EPPK1: variants seen among roughly 807,000 people sequenced by gnomAD.
EPPK1 encodes the protein epiplakin 1.
For missense variants in EPPK1, 3,823 were observed against 3,673.3 expected (o/e 1.04, Z -1.05); for synonymous variants, 1,862 against 1,721.2 (o/e 1.08, Z -2.03).
rs1554659955 is a variant in EPPK1, at chr8:143,868,485, G to T, written c.4769C>A (p.Ala1590Asp). 1 of 1,611,634 alleles carries T rather than the reference G, an allele frequency of 6.2e-7. No homozygotes were observed. The highest frequency in any genetic ancestry group is 8.5e-7 in the Non-Finnish European group (1 of 1,179,542). ...AGGCCGCAGGATGTGCCTCCTCAGG[G>T]CCTCTGGGATGCTCATCCTCTCCTG... Reference protein sequence around the residue: ...GTQERMSIPEALRRHILRPGT... With the variant: ...GTQERMSIPEDLRRHILRPGT... Residue 1590 changes from alanine to aspartate, a missense_variant, in exon 2 of 2, where the codon GCC becomes GAC. Coordinates refer to ENST00000615648, the MANE Select transcript of EPPK1 (RefSeq NM_031308.4).
Position 143,865,427 on chromosome 8 carries a change from C to G in EPPK1, c.7827G>C (p.Gly2609=), listed in dbSNP as rs1405847147. The stretch of plus-strand genomic sequence containing the variant: ...CCCCCTGGCCCTCTCGCTGGGAGCG[C>G]CCCGAGTCGCCGTCCCCTCGCCCGG... ...GPAGRGDGDS[G]RSQREGQGEG... Residue 2609 remains glycine, a synonymous_variant, in exon 2 of 2, where the codon GGG becomes GGC. Transcript: ENST00000615648. 3 of 253,606 alleles carry G rather than the reference C, an allele frequency of 1.2e-5. No homozygotes were observed. The highest frequency in any genetic ancestry group is 1.4e-4 in the African/African-American group (2 of 14,364). 15.7% of individuals were successfully genotyped at this position (253,606 alleles called of 1,614,324 possible). A position where few individuals can be genotyped will look rare whatever the true frequency, so the allele number is the denominator to read the frequency against.
chr8:143,866,673 TC>T lies in EPPK1; in HGVS notation c.6580del (p.Glu2194ArgfsTer50), dbSNP rs1341299982. 1.9e-6 allele frequency: 3 copies of T among 1,613,234 alleles called. No homozygotes were observed. In the South Asian group the frequency reaches 3.3e-5, roughly 18 times the overall value. On this transcript the variant is annotated frameshift_variant, in exon 2 of 2. Coordinates refer to ENST00000615648, the MANE Select transcript of EPPK1 (RefSeq NM_031308.4). LOFTEE classifies it low-confidence loss of function (END_TRUNC). ...SELLSSAIIT[E>X]EMLQDLETGR... The stretch of plus-strand genomic sequence containing the variant: ...CGTTTCCAGGTCCTGGAGCATTTCC[TC>T]CGTGATTATGGCTGAGCTGAGGAGT...
chr8:143,869,808 C>T lies in EPPK1; in HGVS notation c.3446G>A (p.Ser1149Asn), dbSNP rs781937838. The stretch of plus-strand genomic sequence containing the variant: ...TTGCTCCTCGGTGAAGTGGCAGGAG[C>T]TGAGCAGGTCCCAGAGGGATGTGCC... ...KDGTSLWDLLSSCHFTEEQRR... is the reference protein window; with the variant it reads ...KDGTSLWDLLNSCHFTEEQRR... The change falls in exon 2 of 2, where the codon AGC (serine) becomes AAC (asparagine). Residue 1149 changes from serine (S) to asparagine (N), a missense_variant. Transcript: ENST00000615648. 1 of 1,599,526 alleles carries T rather than the reference C, an allele frequency of 6.3e-7. No individual in the cohort carries two copies. The highest frequency in any genetic ancestry group is 1.3e-5 in the African/African-American group (1 of 74,716).
chr8:143,868,030 G>A lies in EPPK1; in HGVS notation c.5224C>T (p.Leu1742Phe). 6.2e-7 allele frequency: 1 copy of A among 1,613,682 alleles called. No individual in the cohort carries two copies. The highest frequency in any genetic ancestry group is 8.5e-7 in the Non-Finnish European group (1 of 1,180,028). Residue 1742 changes from leucine to phenylalanine, a missense_variant, in exon 2 of 2, where the codon CTT (leucine) becomes TTT (phenylalanine). By Grantham distance (22) the Leu-to-Phe change is conservative. Coordinates refer to ENST00000615648, the MANE Select transcript of EPPK1 (RefSeq NM_031308.4). ...GGGTCCTCCACACAGCGCTCCAGAA[G>A]CTGCAGGTACGTGAGGTTCTCGTGC... is the stretch of plus-strand genomic sequence containing the variant. ...NTHENLTYLQLLERCVEDPET... is the reference protein window; with the variant it reads ...NTHENLTYLQFLERCVEDPET...
At position 143,870,523 on chromosome 8, in the gene EPPK1, T is replaced by C. The variant is rs750420105; in HGVS notation, c.2731A>G (p.Ile911Val). ...QLLDQVLAGT[I>V]SPEALLLMDG... ...ATGAGTAGGAGGGCCTCCGGGCTGA[T>C]TGTCCCGGCCAGCACTTGGTCCAAC... Residue 911 changes from isoleucine to valine, a missense_variant, in exon 2 of 2, where the codon ATC becomes GTC. By Grantham distance (29) the Ile-to-Val change is conservative. Transcript: ENST00000615648. This position sits in a 1 kb window ranked among gnomAD's most constrained non-coding sequence, Gnocchi z 5.2. The C allele has an allele frequency of 1.4e-5, 23 of 1,609,294 alleles. No individual in the cohort carries two copies. Among genetic ancestry groups the C allele is most frequent in the South Asian group, 5.5e-5 (5 of 90,948 alleles).
At position 143,871,486 on chromosome 8, in the gene EPPK1, G is replaced by C. The variant is rs924282694; in HGVS notation, c.1768C>G (p.Gln590Glu). 2 of 1,609,454 alleles carry C rather than the reference G, an allele frequency of 1.2e-6. No homozygotes were observed. Among genetic ancestry groups the C allele is most frequent in the Non-Finnish European group, 1.7e-6 (2 of 1,178,848 alleles). Residue 590 changes from glutamine (Q) to glutamate (E), a missense_variant, in exon 2 of 2, where the codon CAG (glutamine) becomes GAG (glutamate). Transcript: ENST00000615648. ...CTGCCCACATCCTTGGCTGTGGCCT[G>C]TCCATGCTCCAGCCGCTCGTACAGG... ...QDLYERLEHG[Q>E]ATAKDVGSLA...
Position 143,878,452 on chromosome 8 carries a change from C to T in EPPK1, c.-60G>A, listed in dbSNP as rs1586707453. On this transcript the variant is annotated 5_prime_UTR_variant, in exon 1 of 2. Transcript: ENST00000615648. ...ACCCGCCGCACCTGCCCGCTCGCCG[C>T]TCGGTCCGCAGTGTCTCCGCGCGCC... 6.9e-6 allele frequency: 1 copy of T among 145,304 alleles called. No homozygotes were observed. The highest frequency in any genetic ancestry group is 1.5e-5 in the Non-Finnish European group (1 of 66,550). The allele number at this position is 145,304 out of a possible 1,614,324, so 9.0% of individuals were successfully genotyped here.
At position 143,857,863 on chromosome 8, in the gene EPPK1, A is replaced by C. The variant is rs1818923982; in HGVS notation, c.*124T>G. 1.4e-6 allele frequency: 1 copy of C among 728,948 alleles called. No homozygotes were observed. The highest frequency in any genetic ancestry group is 2.1e-6 in the Non-Finnish European group (1 of 478,760). 45.2% of individuals were successfully genotyped at this position (728,948 alleles called of 1,614,324 possible). A position where few individuals can be genotyped will look rare whatever the true frequency, so the allele number is the denominator to read the frequency against. ...CAACTTAAAACGTTTTCCACAGATA[A>C]CGAATGGGTAAAACAACAAAATTAA... On this transcript the variant is annotated 3_prime_UTR_variant, in exon 2 of 2. Transcript: ENST00000615648.
rs115967324 is a variant in EPPK1 at position 143,868,941 on chromosome 8, G to C, written c.4313C>G (p.Thr1438Arg). The C allele has an allele frequency of 5.2e-4, 842 of 1,610,900 alleles. 5 individuals are homozygous for C. The African/African-American group carries it at 0.011, about 20-fold the overall frequency. The part of the protein sequence containing the change: ...GLLLLPLPSD[T>R]VLEVDDHTAV... ...GGTGTGGTCGTCCACCTCAAGCACT[G>C]TGTCTGAGGGCAGTGGCAACAGCAA... The change falls in exon 2 of 2, where the codon ACA becomes AGA. Residue 1438 changes from threonine (T) to arginine (R), a missense_variant. Transcript: ENST00000615648.
intron 1 of EPPK1, among the ~76,000 whole-genome samples, chr8:143,875,314 G>A (rs2130658174): frequency 6.6e-6 from 1 of 152,290 alleles, no homozygotes; most frequent in East Asian, 1.9e-4. Flanking sequence ...TAAGACTGCA[G>A]CCCACCTACC....
In EPPK1 at chr8:143,867,450, G is replaced by C; in HGVS notation, c.5804C>G (p.Ala1935Gly). The change falls in exon 2 of 2, where the codon GCC (alanine) becomes GGC (glycine). Residue 1935 changes from alanine to glycine, a missense_variant. Physicochemically the swap from Ala to Gly is moderately conservative, Grantham distance 60. Transcript: ENST00000615648. ...GGGGTCCAGGAGGAACCCGGTGGCG[G>C]CCTGCGCCTCCAGCAGCCAAGTCGC... is the stretch of plus-strand genomic sequence containing the variant. Reference protein sequence around the residue: ...AFATWLLEAQAATGFLLDPCT... With the variant: ...AFATWLLEAQGATGFLLDPCT... 1.2e-6 allele frequency: 2 copies of C among 1,612,618 alleles called. No individual in the cohort carries two copies. The highest frequency in any genetic ancestry group is 1.7e-6 in the Non-Finnish European group (2 of 1,179,832).
rs781910932 is a variant in EPPK1, at chr8:143,868,582, C to T, written c.4672G>A (p.Ala1558Thr). Residue 1558 changes from alanine to threonine, a missense_variant, in exon 2 of 2, where the codon GCG becomes ACG. Physicochemically the swap from Ala to Thr is moderately conservative, Grantham distance 58. Coordinates refer to ENST00000615648, the MANE Select transcript of EPPK1 (RefSeq NM_031308.4). The stretch of plus-strand genomic sequence containing the variant: ...GACCGCTTCACGCTGTCCATCTCCG[C>T]CACCTCCTTCACAGTCGTTGTCCCC... Reference protein sequence around the residue: ...SQGTTTVKEVAEMDSVKRSLE... With the variant: ...SQGTTTVKEVTEMDSVKRSLE... 24 of 1,603,880 alleles carry T rather than the reference C, an allele frequency of 1.5e-5. No individual in the cohort carries two copies. In the Admixed American group the frequency reaches 3.7e-4, roughly 25 times the overall value.
At position 143,858,021 on chromosome 8, in the gene EPPK1, G is replaced by C. The variant is rs782320304; in HGVS notation, c.15233C>G (p.Thr5078Arg). 3 of 1,611,090 alleles carry C rather than the reference G, an allele frequency of 1.9e-6. No homozygotes were observed. The African/African-American group carries it at 4.0e-5, about 22-fold the overall frequency. The change falls in exon 2 of 2, where the codon ACG becomes AGG. Residue 5078 changes from threonine to arginine, a missense_variant. By Grantham distance (71) the Thr-to-Arg change is moderately conservative. Transcript: ENST00000615648. ...LLQRATLDPE[T>R]GLLFLSLSLQ ...AGAGAGAGAAAGAAATAGGAGCCCCGTCTCAGGGTCCAGGGTGGCCCTCTG... is the reference window on the plus strand; with the variant it reads ...AGAGAGAGAAAGAAATAGGAGCCCCCTCTCAGGGTCCAGGGTGGCCCTCTG...
chr8:143,872,793 T>G lies in EPPK1; in HGVS notation c.461A>C (p.Gln154Pro), dbSNP rs1554661712. The G allele has an allele frequency of 6.3e-7, 1 of 1,576,246 alleles. No individual in the cohort carries two copies. The highest frequency in any genetic ancestry group is 2.3e-5 in the East Asian group (1 of 44,368). Reference sequence around the variant, plus strand: ...GTCCACCAGGCCCCCAGTGGCCAGTTGGACCTCCAGCCAGCTCTGCCCCAG... The same window carrying G: ...GTCCACCAGGCCCCCAGTGGCCAGTGGGACCTCCAGCCAGCTCTGCCCCAG... Reference protein sequence around the residue: ...RALGQSWLEVQLATGGLVDPA... With the variant: ...RALGQSWLEVPLATGGLVDPA... The change falls in exon 2 of 2, where the codon CAA becomes CCA. Residue 154 changes from glutamine to proline, a missense_variant. Gln to Pro is a moderately conservative substitution (Grantham distance 76). Coordinates refer to ENST00000615648, the MANE Select transcript of EPPK1 (RefSeq NM_031308.4).
At chr8:143,877,471 C>G (rs1819504045) in intron 1 of EPPK1, among the ~76,000 whole-genome samples, 2 of 152,132 alleles carry the variant, frequency 1.3e-5, no homozygotes, top group Admixed American at 1.3e-4. Context: ...ACAAAGGGCC[C>G]CTCCTGTGGA....
At position 143,867,388 on chromosome 8, in the gene EPPK1, C is replaced by T. The variant is rs782718501; in HGVS notation, c.5866G>A (p.Asp1956Asn). Residue 1956 changes from aspartate (D) to asparagine (N), a missense_variant, in exon 2 of 2, where the codon GAT (aspartate) becomes AAT (asparagine). Transcript: ENST00000615648. ...RQKLSVDEAV[D>N]VGLVNEELRE... ...AGCTCCTCGTTCACCAGGCCCACATCCACAGCCTCATCCACAGAGAGCTTC... is the reference window on the plus strand; with the variant it reads ...AGCTCCTCGTTCACCAGGCCCACATTCACAGCCTCATCCACAGAGAGCTTC... 1 of 1,612,822 alleles carries T rather than the reference C, an allele frequency of 6.2e-7. No individual in the cohort carries two copies. Among genetic ancestry groups the T allele is most frequent in the East Asian group, 2.2e-5 (1 of 44,896 alleles).
In EPPK1 at chr8:143,867,191, G is replaced by C; in HGVS notation, c.6063C>G (p.His2021Gln). Residue 2021 changes from histidine to glutamine, a missense_variant, in exon 2 of 2, where the codon CAC (histidine) becomes CAG (glutamine). By Grantham distance (24) the His-to-Gln change is conservative. Coordinates refer to ENST00000615648, the MANE Select transcript of EPPK1 (RefSeq NM_031308.4). ...VATGGVIDPQ[H>Q]HHRLPLETAY... ...CTGTTTCCAGTGGGAGCCGGTGGTG[G>C]TGCTGTGGGTCGATGACACCCCCCG... is the stretch of plus-strand genomic sequence containing the variant. The C allele has an allele frequency of 6.2e-7, 1 of 1,612,780 alleles. No individual in the cohort carries two copies. Among genetic ancestry groups the C allele is most frequent in the Non-Finnish European group, 8.5e-7 (1 of 1,179,818 alleles).
rs1287205326 is a variant in EPPK1, at chr8:143,857,681, T to G, written c.*306A>C. The G allele has an allele frequency of 5.6e-6, 2 of 357,496 alleles. No individual in the cohort carries two copies. Among genetic ancestry groups the G allele is most frequent in the Non-Finnish European group, 1.0e-5 (2 of 200,328 alleles). 22.1% of individuals were successfully genotyped at this position (357,496 alleles called of 1,614,324 possible). On this transcript the variant is annotated 3_prime_UTR_variant, in exon 2 of 2. Coordinates refer to ENST00000615648, the MANE Select transcript of EPPK1 (RefSeq NM_031308.4). ...TGAGAGTCTAAAGAGTGACATTCTGTAAAATGGAAGCAGTGAATCCAAAAC... is the reference window on the plus strand; with the variant it reads ...TGAGAGTCTAAAGAGTGACATTCTGGAAAATGGAAGCAGTGAATCCAAAAC...
Position 143,859,565 on chromosome 8 carries a change from G to T in EPPK1, c.13689C>A (p.Ser4563Arg), listed in dbSNP as rs1318939572. The T allele has an allele frequency of 2.4e-5, 11 of 464,686 alleles. 3 individuals carry two copies. The highest frequency in any genetic ancestry group is 1.0e-5 in the Non-Finnish European group (3 of 289,084). The allele number at this position is 464,686 out of a possible 1,614,324, so 28.8% of individuals were successfully genotyped here. A position where few individuals can be genotyped will look rare whatever the true frequency, so the allele number is the denominator to read the frequency against. The change falls in exon 2 of 2, where the codon AGC becomes AGA. Residue 4563 changes from serine (S) to arginine (R), a missense_variant. Ser to Arg is a moderately radical substitution (Grantham distance 110). Transcript: ENST00000615648. ...CGCGCAGGGCACAGCGCAGCTCCTC[G>T]CTCAGCTGGTGCACGGCGGAGCCCC... ...AGRGSAVHQL[S>R]EELRCALRDA... is the part of the protein sequence containing the mutation.
Sources: allele counts gnomAD v4.1 joint callset (sites outside exome capture counted in the v4.1 genomes callset), GRCh38; gene constraint gnomAD v4.1.1; non-coding constraint Gnocchi (gnomAD v3.1); transcripts MANE v1.5; gene names NCBI Gene and HGNC (gene_info 2026-07-23, HGNC 2026-07-21).